Variants in EXT1 observed in about 807,000 individuals in gnomAD.
The protein encoded by EXT1 is exostosin-1.
A neutral mutation model predicts 82.5 loss-of-function variants in EXT1; 20 were observed. The observed-to-expected ratio is 0.24, with a 90% CI of 0.17 to 0.35. The LOEUF (loss-of-function observed/expected upper bound fraction) is 0.35, where lower values mean the gene tolerates loss of function less well. Among genes scored for constraint, EXT1 ranks in the 10% least tolerant of loss-of-function variants. The pLI is 1.00. For missense variants in EXT1, 757 were observed against 936.5 expected, an observed-to-expected ratio of 0.81 and a Z score of 2.50; for synonymous variants, 348 against 350.8, an observed-to-expected ratio of 0.99 and a Z score of 0.09.
chr8:118,028,864 C>A (rs1372756999), intron 1 of EXT1, among the ~76,000 whole-genome samples: 1 of 151,988 alleles, frequency 6.6e-6, no homozygotes, highest in East Asian at 1.9e-4. Context: ...AGAAGCTGCA[C>A]TGAGCCAAGA....
intron 1 of EXT1, among the ~76,000 whole-genome samples, chr8:117,866,330 A>G (rs1206976235): frequency 6.6e-6 from 1 of 152,222 alleles, no homozygotes; most frequent in Non-Finnish European, 1.5e-5. Flanking sequence ...ATAACTGATA[A>G]AAACTGAGGC....
At chr8:118,094,916 A>G (rs888388593) in intron 1 of EXT1, among the ~76,000 whole-genome samples, 1 of 152,170 alleles carries the variant, frequency 6.6e-6, no homozygotes, top group South Asian at 2.1e-4. Context: ...CACTTCCACA[A>G]TCTTATTGCT....
intron 1 of EXT1, among the ~76,000 whole-genome samples, chr8:117,866,611 T>C (rs183436492): frequency 2.0e-5 from 3 of 152,326 alleles, no homozygotes; most frequent in Admixed American, 6.5e-5. Context: ...GAACTAGCTA[T>C]CAAAGTTACG....
At chr8:117,840,418 G>C (rs1399444922) in intron 1 of EXT1, among the ~76,000 whole-genome samples, 1 of 152,114 alleles carries the variant, frequency 6.6e-6, no homozygotes, top group Non-Finnish European at 1.5e-5. Flanking sequence ...ATTGAAACCA[G>C]TCTGGCCAAC....
At chr8:118,014,051 C>T (rs1815956847) in intron 1 of EXT1, among the ~76,000 whole-genome samples, 1 of 152,158 alleles carries the variant, frequency 6.6e-6, no homozygotes, top group South Asian at 2.1e-4. Context: ...AGTGATAACA[C>T]CTCACAGGGC....
chr8:117,892,452 C>A (rs1813261177), intron 1 of EXT1, among the ~76,000 whole-genome samples: 1 of 152,206 alleles, frequency 6.6e-6, no homozygotes, highest in Non-Finnish European at 1.5e-5. Flanking sequence ...TTGGAGAATA[C>A]TTGTCAACTG....
rs1364384149 is a variant in EXT1 at position 117,916,703 on chromosome 8, A to T, written c.963-79502T>A. ...CAAGGCAGGAGGATCACTTGAGGTGAGGAGTTTGAGACTAGTCTGGCCAAC... is the reference window on the plus strand; with the variant it reads ...CAAGGCAGGAGGATCACTTGAGGTGTGGAGTTTGAGACTAGTCTGGCCAAC... On this transcript the variant is annotated intron_variant, in intron 1 of 10. Coordinates refer to ENST00000378204, the MANE Select transcript of EXT1 (RefSeq NM_000127.3). Among the ~76,000 whole-genome samples, 5 of 152,174 alleles carry T rather than the reference A, an allele frequency of 3.3e-5. 1 individual carries two copies. Among genetic ancestry groups the T allele is most frequent in the Admixed American group, 2.0e-4 (3 of 15,270 alleles).
chr8:117,843,201 C>T (rs537405764), intron 1 of EXT1, among the ~76,000 whole-genome samples: 1 of 152,292 alleles, frequency 6.6e-6, no homozygotes, highest in South Asian at 2.1e-4. Context: ...CTTTGAGCAC[C>T]TCCTTGCGCC....
intron 1 of EXT1, among the ~76,000 whole-genome samples, chr8:117,935,473 G>A (rs746061774): frequency 1.3e-5 from 2 of 151,786 alleles, no homozygotes; most frequent in Non-Finnish European, 2.9e-5. Flanking sequence ...GCACCAACAC[G>A]CCTGGTACAC....
intron 1 of EXT1, among the ~76,000 whole-genome samples, chr8:117,987,401 A>T (rs1418450522): frequency 6.6e-6 from 1 of 152,156 alleles, no homozygotes; most frequent in South Asian, 2.1e-4. Flanking sequence ...CTGGCATTCT[A>T]CCTGCATTCT....
At chr8:117,993,992 C>T (rs569258920) in intron 1 of EXT1, among the ~76,000 whole-genome samples, 1 of 152,110 alleles carries the variant, frequency 6.6e-6, no homozygotes, top group East Asian at 1.9e-4. Flanking sequence ...TAAGATACTG[C>T]TAAAAAGTTA....
chr8:117,957,148 G>C (rs1400172056), intron 1 of EXT1, among the ~76,000 whole-genome samples: 1 of 152,136 alleles, frequency 6.6e-6, no homozygotes, highest in Non-Finnish European at 1.5e-5. Flanking sequence ...ACACAACGAG[G>C]GGAAGAGCCT....
rs1812078461 is a variant in EXT1, at chr8:117,830,352, G to A, written c.1165-3C>T. 6.2e-7 allele frequency: 1 copy of A among 1,613,862 alleles called. No homozygotes were observed. The highest frequency in any genetic ancestry group is 2.2e-5 in the East Asian group (1 of 44,866). On this transcript the variant is annotated splice_polypyrimidine_tract_variant and splice_region_variant and intron_variant, in intron 3 of 10. Transcript: ENST00000378204. Reference sequence around the variant, plus strand: ...ATAGACCTGATTGTAGAAGGAATCTGTAACACAAGGTGAACACATAGGAAT... The same window carrying A: ...ATAGACCTGATTGTAGAAGGAATCTATAACACAAGGTGAACACATAGGAAT...
intron 1 of EXT1, among the ~76,000 whole-genome samples, chr8:118,078,645 GTAAT>G (rs1674827577): frequency 2.6e-5 from 4 of 152,102 alleles, no homozygotes; most frequent in African/African-American, 9.6e-5. Flanking sequence ...CAAATGAAGG[GTAAT>G]TAAACAAGGG....
chr8:118,043,720 C>T (rs1457744381), intron 1 of EXT1, among the ~76,000 whole-genome samples: 1 of 152,206 alleles, frequency 6.6e-6, no homozygotes, highest in Non-Finnish European at 1.5e-5. Flanking sequence ...TAACACCTCA[C>T]ACAATGTGAA....
At chr8:118,103,843 C>A (rs1817765584) in intron 1 of EXT1, among the ~76,000 whole-genome samples, 1 of 152,196 alleles carries the variant, frequency 6.6e-6, no homozygotes, top group Non-Finnish European at 1.5e-5. Context: ...GCTTAAATGT[C>A]AGGTTTAGGA....
intron 1 of EXT1, among the ~76,000 whole-genome samples, chr8:118,055,317 T>G (rs1389727506): frequency 1.3e-5 from 2 of 152,248 alleles, no homozygotes; most frequent in Admixed American, 6.5e-5. Flanking sequence ...ATCAATAGTT[T>G]GTTCTCTTTT....
intron 3 of EXT1, among the ~76,000 whole-genome samples, chr8:117,832,349 C>T (rs1386364730): frequency 6.6e-6 from 1 of 151,988 alleles, no homozygotes; most frequent in Admixed American, 6.6e-5. Flanking sequence ...TATGGTGAAA[C>T]CCCATCTCTA....
chr8:117,800,146 T>C (rs1375909279), intron 10 of EXT1, among the ~76,000 whole-genome samples: 2 of 152,204 alleles, frequency 1.3e-5, no homozygotes, highest in African/African-American at 4.8e-5. Flanking sequence ...TTCTCTAAAA[T>C]TTATTGACTA....
Sources: allele counts gnomAD v4.1 joint callset (sites outside exome capture counted in the v4.1 genomes callset), GRCh38; gene constraint gnomAD v4.1.1; transcripts MANE v1.5; gene names NCBI Gene and HGNC (gene_info 2026-07-23, HGNC 2026-07-21).